The following NCOA7 variants were observed in gnomAD, a reference collection of about 807,000 sequenced individuals.
The protein encoded by NCOA7 is nuclear receptor coactivator 7.
A neutral mutation model predicts 104.3 loss-of-function variants in NCOA7; 45 were observed. That is an observed-to-expected ratio of 0.43 (90% CI 0.34 to 0.55). The LOEUF (loss-of-function observed/expected upper bound fraction) is 0.55. Ranked by LOEUF, NCOA7 falls within the 20% of genes least tolerant of loss-of-function variation. The probability of loss-of-function intolerance (pLI) is 0.02; values close to 1 mark genes in which losing one functional copy is unlikely to be tolerated. For synonymous variants in NCOA7, 398 were observed against 402.3 expected (o/e 0.99, Z 0.13); for missense variants, 1,041 against 1,119.7 (o/e 0.93, Z 1.00).
chr6:125,822,612 T>C (rs17053581), intron 2 of NCOA7, among the ~76,000 whole-genome samples: 2,301 of 152,214 alleles, frequency 0.015, 51 homozygotes, highest in African/African-American at 0.049. Flanking sequence ...TAAGTATTAG[T>C]GTCTACTTTG....
chr6:125,908,224 A>C (rs1483785712), intron 10 of NCOA7, among the ~76,000 whole-genome samples: 1 of 152,218 alleles, frequency 6.6e-6, no homozygotes, highest in Non-Finnish European at 1.5e-5. Context: ...GCAGGTAAGA[A>C]TGCTTTATGC....
chr6:125,871,963 C>G (rs1157455454), intron 3 of NCOA7, among the ~76,000 whole-genome samples: 2 of 148,514 alleles, frequency 1.3e-5, no homozygotes, highest in Admixed American at 1.3e-4. Flanking sequence ...TGCCACTGCA[C>G]CCCAGCCTGG....
At chr6:125,799,486 C>T (rs1775679478) in intron 1 of NCOA7, among the ~76,000 whole-genome samples, 4 of 149,612 alleles carry the variant, frequency 2.7e-5, no homozygotes, top group African/African-American at 9.9e-5. Flanking sequence ...GTCGCCCAGG[C>T]TGGAATGCAG....
rs1257896276 is a variant in NCOA7 at position 125,857,878 on chromosome 6, A to G, written c.271+2638A>G. On this transcript the variant is annotated intron_variant, in intron 3 of 15. Transcript: ENST00000392477. ...TGGGATTACAGGCATGATCCACTGC[A>G]CCCGAGCCCAAAGCGTATGCTTTTT... Among the ~76,000 whole-genome samples the G allele has an allele frequency of 2.7e-5, 4 of 150,072 alleles. No homozygotes were observed. In the East Asian group the frequency reaches 7.8e-4, roughly 29 times the overall value.
rs1782275581 is a variant in NCOA7, at chr6:125,864,396, A to G, written c.271+9156A>G. Among the ~76,000 whole-genome samples the G allele has an allele frequency of 1.4e-5, 2 of 137,964 alleles. 1 individual carries two copies. The highest frequency in any genetic ancestry group is 6.1e-5 in the African/African-American group (2 of 33,048). 90.5% of individuals were successfully genotyped at this position (137,964 alleles called of 152,430 possible). On this transcript the variant is annotated intron_variant, in intron 3 of 15. Transcript: ENST00000392477. ...GAGAATTTCTAGAAGTGTATTCACC[A>G]GAATGCAAACATCAGTCTCTCTGAT...
chr6:125,782,888 A>G (rs1774289779), intron 1 of NCOA7, among the ~76,000 whole-genome samples: 1 of 152,196 alleles, frequency 6.6e-6, no homozygotes, highest in African/African-American at 2.4e-5. Flanking sequence ...AGATTTTGAG[A>G]TGGAGATTAT....
chr6:125,899,556 G>T (rs758053823), intron 10 of NCOA7, among the ~76,000 whole-genome samples: 9 of 152,126 alleles, frequency 5.9e-5, no homozygotes, highest in Non-Finnish European at 1.3e-4. Context: ...TAAGTTGAAA[G>T]TCACTAGTAA....
chr6:125,793,969 C>T (rs377757381), intron 1 of NCOA7, among the ~76,000 whole-genome samples: 4 of 152,214 alleles, frequency 2.6e-5, no homozygotes, highest in Admixed American at 6.5e-5. Flanking sequence ...ATGATGTTTA[C>T]GGGGGGTTGG....
chr6:125,904,838 G>GC (rs1785827274), intron 10 of NCOA7, among the ~76,000 whole-genome samples: 1 of 152,176 alleles, frequency 6.6e-6, no homozygotes, highest in Non-Finnish European at 1.5e-5. Context: ...GCTCAGGTTT[G>GC]CATTTTATGA....
At position 125,887,421 on chromosome 6, in the gene NCOA7, T is replaced by G. The variant is rs374735380; in HGVS notation, c.885-1518T>G. On this transcript the variant is annotated intron_variant, in intron 8 of 15. Coordinates refer to ENST00000392477, the MANE Select transcript of NCOA7 (RefSeq NM_181782.5). ...GATGTTAGGCAGAACATTTTGTGTT[T>G]GCAAGTTCCTGCAGAACAGAGATTC... Among the ~76,000 whole-genome samples, 5 of 152,326 alleles carry G rather than the reference T, an allele frequency of 3.3e-5. No homozygotes were observed. The East Asian group carries it at 7.7e-4, about 24-fold the overall frequency.
chr6:125,922,904 A>T, intron 13 of NCOA7, 70 bp downstream of exon 13: 1 of 1,380,002 alleles, frequency 7.2e-7, no homozygotes. Flanking sequence ...TAGAGAGACT[A>T]GTACCATATA....
chr6:125,815,794 C>A (rs1777535950), intron 2 of NCOA7, among the ~76,000 whole-genome samples: 1 of 152,136 alleles, frequency 6.6e-6, no homozygotes, highest in Non-Finnish European at 1.5e-5. Context: ...AAGCTTATCA[C>A]CTTGTGGGGA....
At chr6:125,797,613 G>A (rs1242071798) in intron 1 of NCOA7, among the ~76,000 whole-genome samples, 2 of 152,212 alleles carry the variant, frequency 1.3e-5, no homozygotes, top group African/African-American at 4.8e-5. Context: ...CAGGCATGCT[G>A]ATATCATGAA....
chr6:125,845,007 A>G (rs916608302), intron 2 of NCOA7, among the ~76,000 whole-genome samples: 1 of 152,324 alleles, frequency 6.6e-6, no homozygotes, highest in Non-Finnish European at 1.5e-5. Context: ...TTTTATGTCA[A>G]GGACAACAAA....
chr6:125,782,495 GT>G (rs1774271256), intron 1 of NCOA7, among the ~76,000 whole-genome samples: 1 of 152,126 alleles, frequency 6.6e-6, no homozygotes, highest in African/African-American at 2.4e-5. Flanking sequence ...CTCATTTATA[GT>G]TTTTCTTTTA....
intron 11 of NCOA7, among the ~76,000 whole-genome samples, chr6:125,918,469 G>A (rs1787271254): frequency 6.6e-6 from 1 of 152,090 alleles, no homozygotes; most frequent in South Asian, 2.1e-4. Context: ...AACCCCCAGT[G>A]TGAGCAATAC....
intron 11 of NCOA7, chr6:125,919,423 T>C (rs923580930): frequency 2.5e-6 from 4 of 1,612,626 alleles, no homozygotes; most frequent in Non-Finnish European, 3.4e-6. Flanking sequence ...CGAAGAGCCT[T>C]TTGTGAAGGT....
chr6:125,794,097 C>G (rs1042339333), intron 1 of NCOA7, among the ~76,000 whole-genome samples: 1 of 152,132 alleles, frequency 6.6e-6, no homozygotes, highest in Non-Finnish European at 1.5e-5. Context: ...TTAACACCCC[C>G]CCATATGCCC....
In NCOA7 at chr6:125,931,175, G is replaced by A. The variant is rs1460302813; in HGVS notation, c.*2404G>A. On this transcript the variant is annotated 3_prime_UTR_variant, in exon 16 of 16. Coordinates refer to ENST00000392477, the MANE Select transcript of NCOA7 (RefSeq NM_181782.5). Reference sequence around the variant, plus strand: ...GGTACCAGAGTGTTTATTTTTGTGAGAGGATGGTGAAATATCCAAGACTAA... The same window carrying A: ...GGTACCAGAGTGTTTATTTTTGTGAAAGGATGGTGAAATATCCAAGACTAA... The A allele has an allele frequency of 2.0e-5, 3 of 152,430 alleles. No individual in the cohort carries two copies. The highest frequency in any genetic ancestry group is 2.4e-5 in the African/African-American group (1 of 41,430). 9.4% of individuals were successfully genotyped at this position (152,430 alleles called of 1,614,324 possible).
Sources: allele counts gnomAD v4.1 joint callset (sites outside exome capture counted in the v4.1 genomes callset), GRCh38; gene constraint gnomAD v4.1.1; transcripts MANE v1.5; gene names NCBI Gene and HGNC (gene_info 2026-07-23, HGNC 2026-07-21).